The following FBXO15 variants were observed in gnomAD, a reference collection of about 807,000 sequenced individuals.
The protein encoded by FBXO15 is F-box protein 15, also known as F-box only protein 15.
A neutral mutation model predicts 49.5 loss-of-function variants in FBXO15; 30 were observed. That is an observed-to-expected ratio of 0.61 (90% CI 0.45 to 0.82). The LOEUF (loss-of-function observed/expected upper bound fraction) is 0.82. Among genes scored for constraint, FBXO15 ranks in the 40% least tolerant of loss-of-function variants. The pLI, the probability that FBXO15 is intolerant of heterozygous loss-of-function variation, is 0.00. For missense variants in FBXO15, 591 were observed against 631.5 expected (o/e 0.94, Z 0.69); for synonymous variants, 250 against 232.7 (o/e 1.07, Z -0.68).
At chr18:74,129,766 A>C (rs1978316474) in intron 4 of FBXO15, 152 bp from the exon 5 acceptor site, 2 of 653,718 alleles carry the variant, frequency 3.1e-6, no homozygotes, top group East Asian at 2.7e-5. Context: ...TCACTTCAAC[A>C]ATAGTACTCT....
intron 8 of FBXO15, among the ~76,000 whole-genome samples, chr18:74,111,346 G>A (rs1914025193): frequency 6.6e-6 from 1 of 151,020 alleles, no homozygotes; most frequent in African/African-American, 2.4e-5. Flanking sequence ...TCTGCAAACT[G>A]ATACAATTAA....
intron 3 of FBXO15, among the ~76,000 whole-genome samples, chr18:74,132,645 C>T (rs879471745): frequency 1.3e-5 from 2 of 152,176 alleles, no homozygotes; most frequent in Non-Finnish European, 2.9e-5. Flanking sequence ...AGTCTCCAAA[C>T]ACATTTACTT....
At chr18:74,138,382 C>G (rs1005478303) in intron 2 of FBXO15, among the ~76,000 whole-genome samples, 1 of 152,138 alleles carries the variant, frequency 6.6e-6, no homozygotes, top group Non-Finnish European at 1.5e-5. Flanking sequence ...CTCCTCCCCC[C>G]GCCTCCCCAG....
rs1263258291 is a variant in FBXO15 at position 74,147,826 on chromosome 18, A to G, written c.-41T>C. The G allele has an allele frequency of 4.1e-6, 6 of 1,473,830 alleles. No individual in the cohort carries two copies. The highest frequency in any genetic ancestry group is 1.5e-5 in the African/African-American group (1 of 68,808). The allele number at this position is 1,473,830 out of a possible 1,614,324, so 91.3% of individuals were successfully genotyped here. A position where few individuals can be genotyped will look rare whatever the true frequency, so the allele number is the denominator to read the frequency against. On this transcript the variant is annotated 5_prime_UTR_variant, in exon 1 of 10. Transcript: ENST00000419743. ...ACCACAGGACCGCGCCAGGGCTGAA[A>G]CGAAGAGTGCACGCACCGCCCCCAC...
chr18:74,141,614 T>C (rs1979082453), intron 1 of FBXO15, among the ~76,000 whole-genome samples: 1 of 152,072 alleles, frequency 6.6e-6, no homozygotes, highest in African/African-American at 2.4e-5. Flanking sequence ...CCTTAAGAAC[T>C]TGGAAGAAAA....
At chr18:74,124,998 C>T (rs1046275842) in intron 6 of FBXO15, among the ~76,000 whole-genome samples, 25 of 152,096 alleles carry the variant, frequency 1.6e-4, no homozygotes, top group Admixed American at 2.0e-4. Context: ...ATTTGGCCAA[C>T]GTGGTGGGAA....
At chr18:74,126,661 C>T (rs28417621) in intron 5 of FBXO15, among the ~76,000 whole-genome samples, 7,277 of 152,246 alleles carry the variant, frequency 0.048, 600 homozygotes, top group African/African-American at 0.16. Flanking sequence ...GACACTAACA[C>T]AGCATTAGAC....
chr18:74,087,299 A>C (rs534695722), intron 8 of FBXO15, among the ~76,000 whole-genome samples: 6 of 152,090 alleles, frequency 3.9e-5, no homozygotes, highest in Non-Finnish European at 8.8e-5. Flanking sequence ...GGTAAACCGC[A>C]TGTTGCAGGG....
chr18:74,146,358 C>G, intron 1 of FBXO15, among the ~76,000 whole-genome samples: 1 of 152,282 alleles, frequency 6.6e-6, no homozygotes, highest in East Asian at 1.9e-4. Context: ...AAAAATAATG[C>G]ATACATTTCC....
At chr18:74,104,268 G>A (rs1913649900) in intron 8 of FBXO15, among the ~76,000 whole-genome samples, 1 of 151,608 alleles carries the variant, frequency 6.6e-6, no homozygotes, top group Non-Finnish European at 1.5e-5. Flanking sequence ...CATGGTACAA[G>A]AATGAAAAAA....
In FBXO15 at chr18:74,116,281, T is replaced by C. The variant is rs116427295; in HGVS notation, c.1138+7087A>G. On this transcript the variant is annotated intron_variant, in intron 8 of 9. Transcript: ENST00000419743. ...ATTGTTTTTCTGTAGCCTGTATACA[T>C]AGAAAAGATTATACTTTCTCATTAA... 3.3e-5 allele frequency among the ~76,000 whole-genome samples: 5 copies of C among 152,364 alleles called. No homozygotes were observed. The South Asian group carries it at 6.2e-4, about 19-fold the overall frequency.
chr18:74,138,142 T>C (rs1347009349), intron 2 of FBXO15, among the ~76,000 whole-genome samples: 3 of 152,072 alleles, frequency 2.0e-5, no homozygotes, highest in African/African-American at 7.2e-5. Context: ...CCCCCATCTC[T>C]CTGGAGCCGC....
At chr18:74,130,324 G>A (rs1314030522) in intron 4 of FBXO15, 92 bp downstream of exon 4, 2 of 1,490,002 alleles carry the variant, frequency 1.3e-6, no homozygotes, top group Non-Finnish European at 1.8e-6. Flanking sequence ...AAATACTAGA[G>A]ACAGTCCCAC....
chr18:74,090,042 G>A (rs1912951171), intron 8 of FBXO15, among the ~76,000 whole-genome samples: 1 of 152,056 alleles, frequency 6.6e-6, no homozygotes, highest in South Asian at 2.1e-4. Flanking sequence ...AGTCCTTCTG[G>A]TCTGTGGCTT....
chr18:74,144,162 T>C (rs916193173), intron 1 of FBXO15, among the ~76,000 whole-genome samples: 1 of 152,182 alleles, frequency 6.6e-6, no homozygotes, highest in Non-Finnish European at 1.5e-5. Flanking sequence ...AAAACCACAA[T>C]TACTTTTGCA....
chr18:74,084,707 C>A (rs1329480714), intron 8 of FBXO15, among the ~76,000 whole-genome samples: 1 of 152,124 alleles, frequency 6.6e-6, no homozygotes, highest in African/African-American at 2.4e-5. Context: ...GGCTCACCAT[C>A]CTTGGTTTCC....
At chr18:74,079,710 T>C (rs12386103) in intron 9 of FBXO15, among the ~76,000 whole-genome samples, 40,110 of 152,094 alleles carry the variant, frequency 0.26, 7,790 homozygotes, top group African/African-American at 0.54. Flanking sequence ...GTTTTTGCTC[T>C]AGGAACTCAA....
intron 8 of FBXO15, among the ~76,000 whole-genome samples, chr18:74,082,866 G>C (rs1478986367): frequency 6.6e-6 from 1 of 152,190 alleles, no homozygotes; most frequent in Non-Finnish European, 1.5e-5. Flanking sequence ...GCAAGTCACA[G>C]GGCAAAGCAA....
chr18:74,125,993 G>A lies in FBXO15; in HGVS notation c.894C>T (p.Leu298=), dbSNP rs769226383. ...GTCTTACCTTCCACACTCCCACCAGGAGGCCAGGGTGCAGGCAGAAGATCC... is the reference window on the plus strand; with the variant it reads ...GTCTTACCTTCCACACTCCCACCAGAAGGCCAGGGTGCAGGCAGAAGATCC... ...LIRIFCLHPG[L]LVGVWKKEEE... is the part of the protein sequence containing the mutation. Residue 298 remains leucine (L), a synonymous_variant, in exon 6 of 10, where the codon CTC becomes CTT. Coordinates refer to ENST00000419743, the MANE Select transcript of FBXO15 (RefSeq NM_001142958.2). 16 of 1,613,948 alleles carry A rather than the reference G, an allele frequency of 9.9e-6. No homozygotes were observed. The highest frequency in any genetic ancestry group is 1.3e-5 in the Non-Finnish European group (15 of 1,179,978).
Sources: allele counts gnomAD v4.1 joint callset (sites outside exome capture counted in the v4.1 genomes callset), GRCh38; gene constraint gnomAD v4.1.1; transcripts MANE v1.5; gene names NCBI Gene and HGNC (gene_info 2026-07-23, HGNC 2026-07-21).